The following PCDHGA3 variants were observed in gnomAD, a reference collection of about 807,000 sequenced individuals.
The protein encoded by PCDHGA3 is protocadherin gamma subfamily A, 3.
Under a neutral mutation model 58.5 loss-of-function variants are expected in PCDHGA3, and 40 were observed. The ratio of observed to expected loss-of-function variants is 0.68; its 90% CI spans 0.53 to 0.89. The LOEUF (loss-of-function observed/expected upper bound fraction) is 0.89, where lower values mean the gene tolerates loss of function less well. Ranked by LOEUF, PCDHGA3 falls within the 40% of genes least tolerant of loss-of-function variation. The pLI, the probability that PCDHGA3 is intolerant of heterozygous loss-of-function variation, is 0.00. For missense variants in PCDHGA3, 1,223 were observed against 1,195.9 expected (o/e 1.02, Z -0.33); for synonymous variants, 530 against 525.7 (o/e 1.01, Z -0.11).
intron 2 of PCDHGA3, among the ~76,000 whole-genome samples, chr5:141,499,689 CTTTTTT>C (rs545067566): frequency 3.3e-5 from 4 of 119,854 alleles, no homozygotes; most frequent in Admixed American, 8.7e-5. Flanking sequence ...TAACAGATGA[CTTTTTT>C]TTTTTTTTTT....
At chr5:141,357,565 G>C in intron 1 of PCDHGA3, 1 of 1,614,186 alleles carries the variant, frequency 6.2e-7, no homozygotes, top group East Asian at 2.2e-5. Context: ...TGAGAAAAGC[G>C]AGCCTCTTCT....
intron 1 of PCDHGA3, chr5:141,426,513 C>T (rs780618436): frequency 6.2e-5 from 21 of 341,148 alleles, no homozygotes; most frequent in Non-Finnish European, 1.1e-4. Context: ...AATACTTTAC[C>T]GTGAACACGG....
At position 141,487,425 on chromosome 5, in the gene PCDHGA3, G is replaced by A. The variant is rs116499036; in HGVS notation, c.2425-7382G>A. ...CTTCCCCCTTCCAATGGGATCCTCCGAATCCAGCTAGGGTCAGATGACCCT... is the reference window on the plus strand; with the variant it reads ...CTTCCCCCTTCCAATGGGATCCTCCAAATCCAGCTAGGGTCAGATGACCCT... On this transcript the variant is annotated intron_variant, in intron 1 of 3. Coordinates refer to ENST00000253812, the MANE Select transcript of PCDHGA3 (RefSeq NM_018916.4). This position sits in a 1 kb window ranked among gnomAD's most constrained non-coding sequence, Gnocchi z 5.0. The A allele has an allele frequency of 1.1e-5, 17 of 1,613,988 alleles. No individual in the cohort carries two copies. The highest frequency in any genetic ancestry group is 1.6e-4 in the Middle Eastern group (1 of 6,084).
chr5:141,457,798 C>T (rs1233396158), intron 1 of PCDHGA3, among the ~76,000 whole-genome samples: 5 of 152,194 alleles, frequency 3.3e-5, no homozygotes, highest in African/African-American at 9.6e-5. Context: ...GTTATCCTCT[C>T]CTCTTGAGGT....
intron 1 of PCDHGA3, chr5:141,352,367 G>A: frequency 3.1e-6 from 5 of 1,614,060 alleles, no homozygotes; most frequent in South Asian, 1.1e-5. Context: ...TCTCCTCGCG[G>A]TGATTCTAGC....
At chr5:141,423,173 A>T (rs2096717258) in intron 1 of PCDHGA3, 1 of 1,613,330 alleles carries the variant, frequency 6.2e-7, no homozygotes, top group South Asian at 1.1e-5. Flanking sequence ...GCCGTCCAGG[A>T]CCACGGCCAG....
At chr5:141,425,111 A>C (rs2096857405) in intron 1 of PCDHGA3, among the ~76,000 whole-genome samples, 1 of 152,144 alleles carries the variant, frequency 6.6e-6, no homozygotes, top group Non-Finnish European at 1.5e-5. Flanking sequence ...AGATGCCTAC[A>C]TTTTTCTTGA....
chr5:141,467,756 T>A (rs1312303182), intron 1 of PCDHGA3, among the ~76,000 whole-genome samples: 5 of 151,988 alleles, frequency 3.3e-5, no homozygotes, highest in African/African-American at 1.2e-4. Flanking sequence ...CCGCCTCACA[T>A]GCTCAAGTGC....
chr5:141,396,922 C>T lies in PCDHGA3; in HGVS notation c.2424+50465C>T, dbSNP rs576253766. Among the ~76,000 whole-genome samples, 68 of 152,290 alleles carry T rather than the reference C, an allele frequency of 4.5e-4. 1 individual carries two copies. The highest frequency in any genetic ancestry group is 1.5e-3 in the African/African-American group (61 of 41,560). ...TTGGCACTTTGCAATTTTAAAAACT[C>T]GGATGAAAGTTGCCCTGGTAGGAAA... On this transcript the variant is annotated intron_variant, in intron 1 of 3. Transcript: ENST00000253812.
At chr5:141,482,801 G>C (rs1230060558) in intron 1 of PCDHGA3, among the ~76,000 whole-genome samples, 1 of 152,176 alleles carries the variant, frequency 6.6e-6, no homozygotes, top group African/African-American at 2.4e-5. Flanking sequence ...GCCGGGTACG[G>C]TGGCTCATGC....
At chr5:141,372,134 C>T (rs376964998) in intron 1 of PCDHGA3, 3 of 1,613,696 alleles carry the variant, frequency 1.9e-6, no homozygotes, top group Non-Finnish European at 2.5e-6. Context: ...TGGTGCCGCG[C>T]TCTGCAGAGC....
In PCDHGA3 at chr5:141,500,452, G is replaced by A. The variant is rs554196222; in HGVS notation, c.2484-4941G>A. 2.6e-3 allele frequency among the ~76,000 whole-genome samples: 398 copies of A among 151,620 alleles called. 2 individuals carry two copies. The highest frequency in any genetic ancestry group is 0.021 in the South Asian group (99 of 4,798). On this transcript the variant is annotated intron_variant, in intron 2 of 3. Transcript: ENST00000253812. ...TCTCGATCTCCTGACCTCGTGATCC[G>A]CCCGCCTCGGCCTCCCAAAGTGCTG... is the stretch of plus-strand genomic sequence containing the variant.
At chr5:141,392,676 C>T in intron 1 of PCDHGA3, 1 of 917,280 alleles carries the variant, frequency 1.1e-6, no homozygotes, top group East Asian at 2.7e-5. Context: ...AACTGCTGGA[C>T]TGCAGCGAAA....
intron 1 of PCDHGA3, chr5:141,409,788 C>T (rs1224847553): frequency 3.1e-6 from 5 of 1,612,138 alleles, no homozygotes; most frequent in Admixed American, 1.7e-5. Flanking sequence ...CGCGCCTTCG[C>T]GCTCACGCTG....
In PCDHGA3 at chr5:141,432,571, G is replaced by C; in HGVS notation, c.2425-62236G>C. On this transcript the variant is annotated intron_variant, in intron 1 of 3. Transcript: ENST00000253812. The surrounding 1 kb of genome is among the most constrained non-coding windows in gnomAD (Gnocchi z 6.0). ...GAGACTCCGGCCAGAACGCCTGGCT[G>C]TCCTACCGTCTGCTCAAGGCCAGCG... The C allele has an allele frequency of 6.2e-7, 1 of 1,613,954 alleles. No individual in the cohort carries two copies. The highest frequency in any genetic ancestry group is 8.5e-7 in the Non-Finnish European group (1 of 1,179,992).
chr5:141,434,455 G>A (rs2097695575), intron 1 of PCDHGA3, among the ~76,000 whole-genome samples: 1 of 152,192 alleles, frequency 6.6e-6, no homozygotes, highest in Admixed American at 6.5e-5. Context: ...GAAGGTAGTG[G>A]GTTTACCGGA....
At chr5:141,350,938 G>T (rs1485713028) in intron 1 of PCDHGA3, 1 of 1,614,082 alleles carries the variant, frequency 6.2e-7, no homozygotes, top group South Asian at 1.1e-5. Context: ...CCCATATCTG[G>T]ATCCGAGTTA....
intron 1 of PCDHGA3, chr5:141,478,393 G>A (rs2099452978): frequency 6.2e-7 from 1 of 1,613,488 alleles, no homozygotes; most frequent in South Asian, 1.1e-5. Flanking sequence ...TTTACCATCA[G>A]GTGTATCTCA....
At chr5:141,421,296 G>C in intron 1 of PCDHGA3, 1 of 1,613,444 alleles carries the variant, frequency 6.2e-7, no homozygotes, top group Non-Finnish European at 8.5e-7. Context: ...TCCTGGGGAC[G>C]CTGCGGGGGT....
Sources: allele counts gnomAD v4.1 joint callset (sites outside exome capture counted in the v4.1 genomes callset), GRCh38; gene constraint gnomAD v4.1.1; non-coding constraint Gnocchi (gnomAD v3.1); transcripts MANE v1.5; gene names NCBI Gene and HGNC (gene_info 2026-07-23, HGNC 2026-07-21).